SCTR: variants seen among roughly 807,000 people sequenced by gnomAD.
SCTR encodes secretin receptor, also known as pancreatic secretin receptor.
Under a neutral mutation model 60.8 loss-of-function variants are expected in SCTR, and 56 were observed. The observed-to-expected ratio is 0.92, with a 90% CI of 0.74 to 1.15. The LOEUF (loss-of-function observed/expected upper bound fraction) is 1.15. SCTR is among the 50% of genes most tolerant of loss of function. The pLI, the probability that SCTR is intolerant of heterozygous loss-of-function variation, is 0.00. For missense variants in SCTR, 562 were observed against 550.4 expected, an observed-to-expected ratio of 1.02 and a Z score of -0.21; for synonymous variants, 202 against 217.0, an observed-to-expected ratio of 0.93 and a Z score of 0.61.
At chr2:119,500,340 C>G (rs1376925674) in intron 1 of SCTR, among the ~76,000 whole-genome samples, 9 of 152,086 alleles carry the variant, frequency 5.9e-5, no homozygotes, top group Admixed American at 5.9e-4. Context: ...AAAAATAGAA[C>G]TACCATATGA....
chr2:119,512,478 C>T (rs1164520470), intron 1 of SCTR, among the ~76,000 whole-genome samples: 1 of 152,102 alleles, frequency 6.6e-6, no homozygotes, highest in African/African-American at 2.4e-5. Context: ...CTCACTGCAT[C>T]CTCTGCCTCC....
intron 1 of SCTR, among the ~76,000 whole-genome samples, chr2:119,519,847 C>CA (rs1679235755): frequency 4.0e-5 from 4 of 100,768 alleles, no homozygotes; most frequent in Non-Finnish European, 4.3e-5. Context: ...AAAAGAAAAA[C>CA]AAAGAAAAAA....
At chr2:119,462,234 A>G (rs1162555074) in intron 6 of SCTR, among the ~76,000 whole-genome samples, 1 of 152,208 alleles carries the variant, frequency 6.6e-6, no homozygotes, top group Non-Finnish European at 1.5e-5. Context: ...TCAATGAGCC[A>G]TCATAGGAGC....
At chr2:119,458,196 C>T (rs1363771723) in intron 7 of SCTR, among the ~76,000 whole-genome samples, 1 of 151,836 alleles carries the variant, frequency 6.6e-6, no homozygotes, top group African/African-American at 2.4e-5. Context: ...GTCACAGCCA[C>T]TCAGGCGGCT....
rs571614603 is a variant in SCTR, at chr2:119,484,195, G to T, written c.194-5277C>A. Among the ~76,000 whole-genome samples the T allele has an allele frequency of 2.0e-5, 3 of 152,256 alleles. No individual in the cohort carries two copies. In the South Asian group the frequency reaches 6.2e-4, roughly 32 times the overall value. The stretch of plus-strand genomic sequence containing the variant: ...CCACACTTACTGAGCCACGAGGGAG[G>T]GGTCACCGCCCCAGGAGAGCCAGGG... On this transcript the variant is annotated intron_variant, in intron 2 of 12. Coordinates refer to ENST00000019103, the MANE Select transcript of SCTR (RefSeq NM_002980.3).
rs184968289 is a variant in SCTR, at chr2:119,461,195, T to G, written c.790+652A>C. 2.3e-3 allele frequency among the ~76,000 whole-genome samples: 344 copies of G among 152,328 alleles called. 2 individuals carry two copies. The highest frequency in any genetic ancestry group is 7.6e-3 in the African/African-American group (315 of 41,574). On this transcript the variant is annotated intron_variant, in intron 7 of 12. Coordinates refer to ENST00000019103, the MANE Select transcript of SCTR (RefSeq NM_002980.3). ...GTTTATGTTTAAAGGTTTACAGATT[T>G]TCTGATGCCAGCAGTCAAAAGCGTT... is the stretch of plus-strand genomic sequence containing the variant.
chr2:119,459,404 A>AT (rs72044012), intron 7 of SCTR, among the ~76,000 whole-genome samples: 6 of 149,800 alleles, frequency 4.0e-5, no homozygotes, highest in Admixed American at 6.7e-5. Context: ...GACTAGGGTA[A>AT]TTTTTTTTTT....
At chr2:119,491,313 G>A (rs563689981) in intron 2 of SCTR, among the ~76,000 whole-genome samples, 1 of 152,122 alleles carries the variant, frequency 6.6e-6, no homozygotes, top group Non-Finnish European at 1.5e-5. Flanking sequence ...AGCCCCTGTG[G>A]TCTCATCCTG....
intron 1 of SCTR, among the ~76,000 whole-genome samples, chr2:119,505,305 A>T (rs1678700311): frequency 7.7e-6 from 1 of 130,556 alleles, no homozygotes; most frequent in South Asian, 2.8e-4. Context: ...GATAGACTAG[A>T]TTAAAAAAAT....
At chr2:119,468,403 G>C (rs549670728) in intron 4 of SCTR, among the ~76,000 whole-genome samples, 2 of 152,200 alleles carry the variant, frequency 1.3e-5, no homozygotes, top group Non-Finnish European at 2.9e-5. Flanking sequence ...TCCAAACCCG[G>C]ACTGTGACTC....
At chr2:119,446,666 G>A in intron 11 of SCTR, 93 bp downstream of exon 11, 1 of 1,196,508 alleles carries the variant, frequency 8.4e-7, no homozygotes, top group East Asian at 2.8e-5. Flanking sequence ...GCCAGATAAG[G>A]CATCTGGCTC....
In SCTR at chr2:119,492,325, G is replaced by A. The variant is rs1282040016; in HGVS notation, c.193+2103C>T. ...AGGCTCCTGCCACACACTGCAAAAC[G>A]CATTCCTAAGTGATGAGAGCACAGC... is the stretch of plus-strand genomic sequence containing the variant. On this transcript the variant is annotated intron_variant, in intron 2 of 12. Transcript: ENST00000019103. Among the ~76,000 whole-genome samples the A allele has an allele frequency of 3.9e-5, 6 of 152,304 alleles. No individual in the cohort carries two copies. In the East Asian group the frequency reaches 7.7e-4, roughly 20 times the overall value.
chr2:119,494,274 A>C (rs978816788), intron 2 of SCTR, among the ~76,000 whole-genome samples, 154 bp downstream of exon 2: 1 of 151,908 alleles, frequency 6.6e-6, no homozygotes, highest in Admixed American at 6.6e-5. Context: ...CACCAGAACC[A>C]CTCCAGCCCT....
chr2:119,455,280 AC>A (rs377313582), intron 7 of SCTR, among the ~76,000 whole-genome samples: 5 of 151,806 alleles, frequency 3.3e-5, no homozygotes, highest in Admixed American at 2.0e-4. Flanking sequence ...CCATGGGGGG[AC>A]CCCCCAACAC....
chr2:119,494,205 A>T (rs994517040), intron 2 of SCTR, among the ~76,000 whole-genome samples: 1 of 152,198 alleles, frequency 6.6e-6, no homozygotes, highest in African/African-American at 2.4e-5. Context: ...GGCTATGTTT[A>T]CTTGCCCAGA....
chr2:119,505,505 A>T (rs1304600041), intron 1 of SCTR, among the ~76,000 whole-genome samples: 1 of 151,938 alleles, frequency 6.6e-6, no homozygotes, highest in African/African-American at 2.4e-5. Flanking sequence ...GCACATATAC[A>T]CCATGGAATA....
At chr2:119,462,129 C>T in intron 6 of SCTR, 129 bp from the exon 7 acceptor site, 9 of 789,584 alleles carry the variant, frequency 1.1e-5, no homozygotes, top group Non-Finnish European at 1.5e-5. Context: ...CTCTGGGGTT[C>T]AAGGCCATCT....
At chr2:119,447,944 C>G (rs2104763244) in intron 10 of SCTR, among the ~76,000 whole-genome samples, 1 of 152,268 alleles carries the variant, frequency 6.6e-6, no homozygotes, top group South Asian at 2.1e-4. Context: ...ACACTGAAGT[C>G]CTAGCCCCCA....
Position 119,494,435 on chromosome 2 carries a change from T to G in SCTR, c.186A>C (p.Pro62=), listed in dbSNP as rs768965484. Residue 62 remains proline, a synonymous_variant, in exon 2 of 13, where the codon CCA becomes CCC. Transcript: ENST00000019103. ...EQTGDLGTEQ[P]VPGCEGMWDN... ...CTGTGGCAAGCCTCATACCTGGCAC[T>G]GGCTGCTCCGTGCCCAGGTCTCCTG... 6.2e-7 allele frequency: 1 copy of G among 1,613,816 alleles called. No individual in the cohort carries two copies. Among genetic ancestry groups the G allele is most frequent in the Admixed American group, 1.7e-5 (1 of 60,012 alleles).
Sources: allele counts gnomAD v4.1 joint callset (sites outside exome capture counted in the v4.1 genomes callset), GRCh38; gene constraint gnomAD v4.1.1; transcripts MANE v1.5; gene names NCBI Gene and HGNC (gene_info 2026-07-23, HGNC 2026-07-21).